The following MAPK4 variants were observed in gnomAD, a reference collection of about 807,000 sequenced individuals.
MAPK4 encodes mitogen-activated protein kinase 4, also known as Erk3-related.
Under a neutral mutation model 47.7 loss-of-function variants are expected in MAPK4, and 22 were observed. The observed-to-expected ratio is 0.46, with a 90% CI of 0.33 to 0.66. The LOEUF (loss-of-function observed/expected upper bound fraction) is 0.66, where lower values mean the gene tolerates loss of function less well. MAPK4 is among the 30% of genes least tolerant of loss of function. The pLI, the probability that MAPK4 is intolerant of heterozygous loss-of-function variation, is 0.02. For synonymous variants in MAPK4, 390 were observed against 365.7 expected (o/e 1.07, Z -0.76); for missense variants, 736 against 831.7 (o/e 0.88, Z 1.42).
At chr18:50,648,772 A>G (rs1405150273) in intron 1 of MAPK4, among the ~76,000 whole-genome samples, 2 of 152,020 alleles carry the variant, frequency 1.3e-5, no homozygotes, top group Non-Finnish European at 2.9e-5. Context: ...ATAAGGCTTT[A>G]CCTCCCTGCT....
intron 1 of MAPK4, among the ~76,000 whole-genome samples, chr18:50,606,873 A>G (rs1415466120): frequency 6.6e-6 from 1 of 152,226 alleles, no homozygotes; most frequent in African/African-American, 2.4e-5. Context: ...GCTGGTGCCC[A>G]GTTCACTGCC....
rs137976269 is a variant in MAPK4 at position 50,723,975 on chromosome 18, T to C, written c.853+1876T>C. The stretch of plus-strand genomic sequence containing the variant: ...AGGGAGAGGGAAGAGCAGATTTTCA[T>C]CCGTGATGGAGTCTGTGGAGCAGCT... On this transcript the variant is annotated intron_variant, in intron 4 of 5. Transcript: ENST00000400384. 4.3e-3 allele frequency among the ~76,000 whole-genome samples: 653 copies of C among 152,130 alleles called. 5 individuals are homozygous for C. The highest frequency in any genetic ancestry group is 0.015 in the African/African-American group (611 of 41,506).
chr18:50,625,291 G>A (rs1188686958), intron 1 of MAPK4, among the ~76,000 whole-genome samples: 1 of 152,198 alleles, frequency 6.6e-6, no homozygotes, highest in Non-Finnish European at 1.5e-5. Context: ...CCGAGCCTTG[G>A]TGACCAGAAT....
intron 3 of MAPK4, among the ~76,000 whole-genome samples, chr18:50,721,299 G>T (rs1721729852): frequency 6.6e-6 from 1 of 152,140 alleles, no homozygotes. Context: ...CATGGAGAAG[G>T]TGCTCGATAA....
Position 50,712,489 on chromosome 18 carries a change from A to G in MAPK4, c.547-2590A>G, listed in dbSNP as rs145803087. ...GTTTTTTTAAAGAGTGTGAAGAACA[A>G]GTAACCATAGGAAGATAGCTAGTAG... On this transcript the variant is annotated intron_variant, in intron 2 of 5. Coordinates refer to ENST00000400384, the MANE Select transcript of MAPK4 (RefSeq NM_002747.4). Among the ~76,000 whole-genome samples the G allele has an allele frequency of 1.5e-3, 228 of 152,026 alleles. 1 individual carries two copies. Among genetic ancestry groups the G allele is most frequent in the African/African-American group, 5.4e-3 (222 of 41,446 alleles).
Position 50,721,964 on chromosome 18 carries a change from C to T in MAPK4, c.718C>T (p.Leu240Phe). Residue 240 changes from leucine to phenylalanine, a missense_variant, in exon 4 of 6, where the codon CTC (leucine) becomes TTC (phenylalanine). Coordinates refer to ENST00000400384, the MANE Select transcript of MAPK4 (RefSeq NM_002747.4). ...GGCCCATGAGCTGGAGCAGATGCAA[C>T]TCATCCTGGAGACCATCCCTGTAAT... ...AGAHELEQMQ[L>F]ILETIPVIRE... 6.2e-7 allele frequency: 1 copy of T among 1,614,130 alleles called. No individual in the cohort carries two copies. The highest frequency in any genetic ancestry group is 8.5e-7 in the Non-Finnish European group (1 of 1,180,028).
intron 4 of MAPK4, 133 bp from the exon 5 acceptor site, chr18:50,725,829 G>T: frequency 1.3e-6 from 1 of 771,012 alleles, no homozygotes. Flanking sequence ...TCTTGAGAAA[G>T]AAAATGGCTA....
intron 1 of MAPK4, among the ~76,000 whole-genome samples, chr18:50,603,131 C>A (rs2042554421): frequency 6.6e-6 from 1 of 152,110 alleles, no homozygotes; most frequent in Admixed American, 6.5e-5. Context: ...ACCTGGCAAG[C>A]AGATGTGGCC....
intron 2 of MAPK4, among the ~76,000 whole-genome samples, chr18:50,710,573 C>G (rs1006720719): frequency 6.6e-6 from 1 of 151,804 alleles, no homozygotes; most frequent in Non-Finnish European, 1.5e-5. Context: ...GTCAGGAGAT[C>G]GAGACCATCC....
At chr18:50,660,760 T>C (rs1435027529) in intron 1 of MAPK4, among the ~76,000 whole-genome samples, 2 of 152,052 alleles carry the variant, frequency 1.3e-5, no homozygotes, top group Admixed American at 1.3e-4. Context: ...AGCAGGAGAA[T>C]ATTTCAGGAA....
In MAPK4 at chr18:50,730,155, C is replaced by A; in HGVS notation, c.*301C>A. 3.7e-6 allele frequency: 1 copy of A among 268,442 alleles called. No individual in the cohort carries two copies. Among genetic ancestry groups the A allele is most frequent in the East Asian group, 6.7e-5 (1 of 14,920 alleles). The allele number at this position is 268,442 out of a possible 1,614,324, so 16.6% of individuals were successfully genotyped here. ...TTTAGACAGCAGTCTGCGGGCCCCA[C>A]CTGGGTGGCAGGATGCCGAGAAATC... is the stretch of plus-strand genomic sequence containing the variant. On this transcript the variant is annotated 3_prime_UTR_variant, in exon 6 of 6. Coordinates refer to ENST00000400384, the MANE Select transcript of MAPK4 (RefSeq NM_002747.4).
At chr18:50,641,739 T>C (rs1453639874) in intron 1 of MAPK4, among the ~76,000 whole-genome samples, 1 of 152,212 alleles carries the variant, frequency 6.6e-6, no homozygotes, top group Admixed American at 6.5e-5. Flanking sequence ...GTAAACAACA[T>C]TTAGAAATAA....
intron 2 of MAPK4, among the ~76,000 whole-genome samples, chr18:50,683,453 G>GGTGTGTGT (rs3045776): frequency 0.023 from 3,300 of 142,220 alleles, 49 homozygotes; most frequent in East Asian, 0.04. Flanking sequence ...TTGGTGATGG[G>GGTGTGTGT]GTGTGTGTGT....
At chr18:50,577,826 T>C (rs1398790721) in intron 1 of MAPK4, among the ~76,000 whole-genome samples, 1 of 152,178 alleles carries the variant, frequency 6.6e-6, no homozygotes, top group African/African-American at 2.4e-5. Context: ...AACTTTGAGC[T>C]GAAACTGACA....
chr18:50,710,696 C>T (rs187257991), intron 2 of MAPK4, among the ~76,000 whole-genome samples: 6 of 151,938 alleles, frequency 3.9e-5, no homozygotes, highest in South Asian at 2.1e-4. Flanking sequence ...AGGAGAATGG[C>T]GTGAACCCGG....
intron 1 of MAPK4, among the ~76,000 whole-genome samples, chr18:50,588,795 A>G (rs186026534): frequency 2.0e-4 from 31 of 152,216 alleles, no homozygotes; most frequent in African/African-American, 6.3e-4. Flanking sequence ...GGCTCAGGAG[A>G]TCCACCTGCT....
At chr18:50,661,087 CCTCT>C (rs1417696895) in intron 1 of MAPK4, among the ~76,000 whole-genome samples, 2 of 152,180 alleles carry the variant, frequency 1.3e-5, no homozygotes, top group Non-Finnish European at 2.9e-5. Context: ...GGTGCTCATT[CCTCT>C]CTCTGTTTAC....
chr18:50,604,982 A>C (rs978497828), intron 1 of MAPK4, among the ~76,000 whole-genome samples: 2 of 152,358 alleles, frequency 1.3e-5, no homozygotes, highest in South Asian at 4.1e-4. Context: ...TTCTCTATTA[A>C]GGAGCAGAGG....
chr18:50,615,206 G>T (rs1263176280), intron 1 of MAPK4, among the ~76,000 whole-genome samples: 1 of 152,116 alleles, frequency 6.6e-6, no homozygotes, highest in African/African-American at 2.4e-5. Flanking sequence ...TGTGTTGGGG[G>T]GGGAGATCCA....
Sources: allele counts gnomAD v4.1 joint callset (sites outside exome capture counted in the v4.1 genomes callset), GRCh38; gene constraint gnomAD v4.1.1; transcripts MANE v1.5; gene names NCBI Gene and HGNC (gene_info 2026-07-23, HGNC 2026-07-21).